Variants in DYNC1I1 observed in about 807,000 individuals in gnomAD.
DYNC1I1 encodes the protein cytoplasmic dynein 1 intermediate chain 1.
DYNC1I1 carries 43 observed loss-of-function variants against 86.6 expected under a neutral mutation model. The ratio of observed to expected loss-of-function variants is 0.50; its 90% CI spans 0.39 to 0.64. The LOEUF is 0.64. DYNC1I1 is among the 30% of genes least tolerant of loss of function. DYNC1I1 has a pLI of 0.00. For missense variants in DYNC1I1, 604 were observed against 788.8 expected (o/e 0.77, Z 2.81); for synonymous variants, 262 against 283.7 (o/e 0.92, Z 0.77).
chr7:95,811,857 C>A (rs150720558), intron 3 of DYNC1I1, among the ~76,000 whole-genome samples: 1 of 152,056 alleles, frequency 6.6e-6, no homozygotes, highest in Non-Finnish European at 1.5e-5. Flanking sequence ...CTCAAAATAG[C>A]CTTTGAAATT....
At chr7:95,944,087 A>G (rs951614512) in intron 6 of DYNC1I1, among the ~76,000 whole-genome samples, 1 of 152,266 alleles carries the variant, frequency 6.6e-6, no homozygotes, top group Non-Finnish European at 1.5e-5. Flanking sequence ...GTGAATAGGC[A>G]ACCTACAAAA....
At chr7:95,805,286 T>C (rs954861912) in intron 2 of DYNC1I1, among the ~76,000 whole-genome samples, 2 of 152,194 alleles carry the variant, frequency 1.3e-5, no homozygotes, top group African/African-American at 4.8e-5. Flanking sequence ...TTGAAAAATC[T>C]ACCAGCAGGA....
intron 6 of DYNC1I1, among the ~76,000 whole-genome samples, chr7:95,928,658 A>G (rs528256757): frequency 9.8e-5 from 15 of 152,288 alleles, no homozygotes; most frequent in Non-Finnish European, 1.8e-4. Flanking sequence ...AGGTTCCAGC[A>G]GTGGCTGTTC....
At chr7:95,977,065 A>T (rs1239706405) in intron 6 of DYNC1I1, among the ~76,000 whole-genome samples, 1 of 152,178 alleles carries the variant, frequency 6.6e-6, no homozygotes, top group African/African-American at 2.4e-5. Flanking sequence ...CCTGTATTTA[A>T]CCCTTTCCTG....
chr7:95,927,133 A>G (rs1028210308), intron 6 of DYNC1I1, among the ~76,000 whole-genome samples: 3 of 152,156 alleles, frequency 2.0e-5, no homozygotes, highest in African/African-American at 7.2e-5. Flanking sequence ...TTCCCAAGCA[A>G]AGAGGGGAAA....
In DYNC1I1 at chr7:96,076,091, C is replaced by G; in HGVS notation, c.1544C>G (p.Ala515Gly). The change falls in exon 15 of 17, where the codon GCA becomes GGA. Residue 515 changes from alanine to glycine, a missense_variant. Ala to Gly is a moderately conservative substitution (Grantham distance 60, BLOSUM62 0). Transcript: ENST00000447467. ...NKPLYSFEDN[A>G]DYVYDVMWSP... ...CCGCTCTACTCCTTTGAAGACAATGCAGACTATGTGTACGATGTCATGTGG... is the reference window on the plus strand; with the variant it reads ...CCGCTCTACTCCTTTGAAGACAATGGAGACTATGTGTACGATGTCATGTGG... The G allele has an allele frequency of 6.2e-7, 1 of 1,614,212 alleles. No individual in the cohort carries two copies. The highest frequency in any genetic ancestry group is 8.5e-7 in the Non-Finnish European group (1 of 1,180,034).
chr7:95,866,323 C>G (rs932010458), intron 5 of DYNC1I1, among the ~76,000 whole-genome samples: 2 of 152,168 alleles, frequency 1.3e-5, no homozygotes, highest in African/African-American at 4.8e-5. Flanking sequence ...AATGACCACA[C>G]GTGCTTGGAC....
chr7:95,833,367 C>T (rs1278734424), intron 5 of DYNC1I1, among the ~76,000 whole-genome samples: 1 of 150,520 alleles, frequency 6.6e-6, no homozygotes, highest in African/African-American at 2.4e-5. Context: ...GTTTTGGTTA[C>T]TGTAGCCTTG....
chr7:95,933,901 A>G (rs1003697726), intron 6 of DYNC1I1, among the ~76,000 whole-genome samples: 3 of 152,124 alleles, frequency 2.0e-5, no homozygotes, highest in Admixed American at 1.3e-4. Context: ...CCCGACACTT[A>G]GAGCTCCCTA....
intron 16 of DYNC1I1, among the ~76,000 whole-genome samples, chr7:96,086,736 A>C (rs1228179728): frequency 1.3e-5 from 2 of 152,236 alleles, no homozygotes; most frequent in African/African-American, 2.4e-5. Flanking sequence ...TGAGAGATCA[A>C]ATGTAACACT....
At chr7:95,993,845 AAGG>A (rs1488922854) in intron 9 of DYNC1I1, among the ~76,000 whole-genome samples, 1 of 152,180 alleles carries the variant, frequency 6.6e-6, no homozygotes, top group Non-Finnish European at 1.5e-5. Context: ...AATAATGAAA[AAGG>A]AGGAAAAAAT....
chr7:95,781,810 C>T (rs1040826574), intron 1 of DYNC1I1, among the ~76,000 whole-genome samples: 1 of 152,160 alleles, frequency 6.6e-6, no homozygotes, highest in Non-Finnish European at 1.5e-5. Flanking sequence ...ACACCCTCCT[C>T]ACGGGGCATT....
intron 6 of DYNC1I1, among the ~76,000 whole-genome samples, chr7:95,913,959 C>A (rs867672029): frequency 3.9e-5 from 6 of 152,200 alleles, no homozygotes; most frequent in African/African-American, 7.2e-5. Context: ...CCCTTAGTGG[C>A]ACACCAGGTG....
chr7:95,916,655 C>T (rs951701171), intron 6 of DYNC1I1, among the ~76,000 whole-genome samples: 1 of 152,066 alleles, frequency 6.6e-6, no homozygotes, highest in Non-Finnish European at 1.5e-5. Flanking sequence ...TGTGACCATT[C>T]ATTGTTTTTT....
chr7:96,071,392 G>A lies in DYNC1I1; in HGVS notation c.1510-4665G>A, dbSNP rs147927872. On this transcript the variant is annotated intron_variant, in intron 14 of 16. Transcript: ENST00000447467. ...AGGTCAGTAGCTGCAGCTTTCCATC[G>A]TAAGATGCGAAAAGTAAGATCCAAG... 4.6e-5 allele frequency among the ~76,000 whole-genome samples: 7 copies of A among 152,286 alleles called. No homozygotes were observed. In the South Asian group the frequency reaches 8.3e-4, roughly 18 times the overall value.
chr7:95,926,288 A>C (rs1051037974), intron 6 of DYNC1I1, among the ~76,000 whole-genome samples: 4 of 152,200 alleles, frequency 2.6e-5, no homozygotes, highest in African/African-American at 9.6e-5. Flanking sequence ...AAATACTATT[A>C]CTGGTAGACT....
intron 5 of DYNC1I1, among the ~76,000 whole-genome samples, chr7:95,843,127 G>A (rs1261901506): frequency 6.6e-6 from 1 of 152,152 alleles, no homozygotes; most frequent in African/African-American, 2.4e-5. Flanking sequence ...TGACTGGCGT[G>A]AACAGAAACT....
At chr7:96,100,650 T>TTGTGTG (rs57129262), downstream of DYNC1I1, among the ~76,000 whole-genome samples, 6,654 of 142,884 alleles carry the variant, frequency 0.047, 484 homozygotes, top group African/African-American at 0.16. Context: ...TTTGAGGGTT[T>TTGTGTG]TGTGTGTGTG....
intron 10 of DYNC1I1, among the ~76,000 whole-genome samples, chr7:96,009,012 A>G (rs1794208571): frequency 1.3e-5 from 2 of 152,150 alleles, no homozygotes; most frequent in Admixed American, 6.5e-5. Context: ...GCTTCATAAC[A>G]TCAAATTTGT....
Sources: gnomAD v4.1 joint callset for allele counts (sites outside exome capture counted in the v4.1 genomes callset) on GRCh38, gnomAD v4.1.1 for gene constraint, MANE v1.5 for transcripts, NCBI Gene and HGNC (gene_info 2026-07-23, HGNC 2026-07-21) for gene names.